Variants in RNF138 observed in about 807,000 individuals in gnomAD.
RNF138 encodes E3 ubiquitin-protein ligase RNF138.
Under a neutral mutation model 31.0 loss-of-function variants are expected in RNF138, and 12 were observed. The observed-to-expected ratio is 0.39, with a 90% CI of 0.25 to 0.63. RNF138 has a LOEUF of 0.63. Among genes scored for constraint, RNF138 ranks in the 20% least tolerant of loss-of-function variants. The probability of loss-of-function intolerance (pLI) is 0.52; values close to 1 mark genes in which losing one functional copy is unlikely to be tolerated. For synonymous variants in RNF138, 105 were observed against 99.5 expected (o/e 1.06, Z -0.33); for missense variants, 192 against 300.1 (o/e 0.64, Z 2.66).
intron 4 of RNF138, among the ~76,000 whole-genome samples, chr18:32,117,680 A>G (rs2040239299): frequency 6.6e-6 from 1 of 152,244 alleles, no homozygotes; most frequent in African/African-American, 2.4e-5. Context: ...GCCATCTAAA[A>G]TAATCTGTGT....
chr18:32,112,951 T>G (rs2040157466), intron 3 of RNF138, among the ~76,000 whole-genome samples: 1 of 152,194 alleles, frequency 6.6e-6, no homozygotes, highest in African/African-American at 2.4e-5. Context: ...TCAGATCTGC[T>G]TTTACATCTT....
chr18:32,097,644 A>G (rs868603697), intron 2 of RNF138, among the ~76,000 whole-genome samples: 1 of 152,014 alleles, frequency 6.6e-6, no homozygotes, highest in Non-Finnish European at 1.5e-5. Flanking sequence ...AAGTAGCTGG[A>G]CTACAGGCAT....
intron 2 of RNF138, 95 bp downstream of exon 2, chr18:32,092,981 G>GTT: frequency 1.7e-6 from 1 of 591,712 alleles, no homozygotes; most frequent in Non-Finnish European, 2.7e-6. Context: ...CGGGAACCGA[G>GTT]CCCGCCGCGG....
Position 32,111,783 on chromosome 18 carries a change from T to C in RNF138, c.140T>C (p.Met47Thr). The C allele has an allele frequency of 6.2e-7, 1 of 1,612,482 alleles. No homozygotes were observed. Among genetic ancestry groups the C allele is most frequent in the Non-Finnish European group, 8.5e-7 (1 of 1,179,710 alleles). Reference protein sequence around the residue: ...VFCRKCFLTAMRESGAHCPLC... With the variant: ...VFCRKCFLTATRESGAHCPLC... ...TGTAGAAAATGTTTCCTGACTGCAA[T>C]GAGGGAAAGCGGAGCACATTGTCCC... is the stretch of plus-strand genomic sequence containing the variant. The change falls in exon 3 of 8, where the codon ATG becomes ACG. Residue 47 changes from methionine to threonine, a missense_variant. Met to Thr is a moderately conservative substitution (Grantham distance 81). Transcript: ENST00000261593.
chr18:32,116,065 A>G (rs1312057952), intron 4 of RNF138, among the ~76,000 whole-genome samples: 2 of 152,204 alleles, frequency 1.3e-5, no homozygotes, highest in African/African-American at 4.8e-5. Flanking sequence ...AGAGGCGATG[A>G]TGATGATAGG....
At chr18:32,117,864 T>C (rs1487507445) in intron 4 of RNF138, among the ~76,000 whole-genome samples, 1 of 152,216 alleles carries the variant, frequency 6.6e-6, no homozygotes, top group East Asian at 1.9e-4. Flanking sequence ...GCTGCTAACA[T>C]AAGATTATAT....
At chr18:32,121,095 G>A (rs539860894) in intron 4 of RNF138, among the ~76,000 whole-genome samples, 328 of 148,428 alleles carry the variant, frequency 2.2e-3, no homozygotes, top group African/African-American at 7.7e-3. Context: ...CGATCGCGCC[G>A]CTGCACTCCA....
At chr18:32,108,401 C>T (rs2040072207) in intron 2 of RNF138, among the ~76,000 whole-genome samples, 1 of 152,064 alleles carries the variant, frequency 6.6e-6, no homozygotes, top group Non-Finnish European at 1.5e-5. Flanking sequence ...TTTGTACATT[C>T]TAAAAAATAG....
rs151315163 is a variant in RNF138 at position 32,092,872 on chromosome 18, G to C, written c.96G>C (p.Thr32=). The change falls in exon 2 of 8, where the codon ACG becomes ACC. Residue 32 remains threonine, a synonymous_variant. Coordinates refer to ENST00000261593, the MANE Select transcript of RNF138 (RefSeq NM_016271.5). ...QEVLKTPVRT[T]ACQHVFCRKC... Reference sequence around the variant, plus strand: ...TGCTCAAAACGCCCGTGCGGACCACGGCCTGTCAGCACGTGTGAGTAGACG... The same window carrying C: ...TGCTCAAAACGCCCGTGCGGACCACCGCCTGTCAGCACGTGTGAGTAGACG... The C allele has an allele frequency of 1.5e-3, 2,372 of 1,577,148 alleles. 6 individuals carry two copies. Among genetic ancestry groups the C allele is most frequent in the East Asian group, 6.7e-3 (285 of 42,770 alleles).
Position 32,107,719 on chromosome 18 carries a change from A to G in RNF138, c.111-4035A>G, listed in dbSNP as rs541247430. On this transcript the variant is annotated intron_variant, in intron 2 of 7. Transcript: ENST00000261593. ...GTATTAGTCAAGACGGGGTTTCACC[A>G]TGTTGGCCAGGCTAGTCTCGAACTC... Among the ~76,000 whole-genome samples the G allele has an allele frequency of 1.3e-3, 195 of 146,262 alleles. 1 individual carries two copies. Among genetic ancestry groups the G allele is most frequent in the African/African-American group, 4.6e-3 (182 of 39,686 alleles).
chr18:32,122,329 A>G (rs534754660), intron 4 of RNF138: 1 of 152,300 alleles, frequency 6.6e-6, no homozygotes, highest in African/African-American at 2.4e-5. Context: ...TAAACAGAAA[A>G]GAAAGATCAG....
At chr18:32,113,655 T>C in intron 3 of RNF138, 90 bp from the exon 4 acceptor site, 1 of 568,056 alleles carries the variant, frequency 1.8e-6, no homozygotes, top group Non-Finnish European at 3.0e-6. Context: ...AATGGAGTAT[T>C]TAGTTACTTT....
intron 2 of RNF138, among the ~76,000 whole-genome samples, chr18:32,101,014 G>T (rs796952085): frequency 3.3e-5 from 5 of 152,294 alleles, no homozygotes; most frequent in African/African-American, 9.6e-5. Context: ...GAGTATCGAT[G>T]ACCCTTTCTT....
At chr18:32,117,531 T>C (rs758393408) in intron 4 of RNF138, among the ~76,000 whole-genome samples, 1 of 152,184 alleles carries the variant, frequency 6.6e-6, no homozygotes, top group African/African-American at 2.4e-5. Context: ...AATAAATCCA[T>C]AGATCATTTC....
chr18:32,110,082 G>C (rs1246935784), intron 2 of RNF138, among the ~76,000 whole-genome samples: 2 of 152,152 alleles, frequency 1.3e-5, no homozygotes, highest in Admixed American at 1.3e-4. Context: ...AACCTCCTGG[G>C]CTCAAGTGAT....
intron 4 of RNF138, among the ~76,000 whole-genome samples, chr18:32,117,671 C>T (rs2040239184): frequency 6.6e-6 from 1 of 152,128 alleles, no homozygotes; most frequent in South Asian, 2.1e-4. Flanking sequence ...TCCAGTTGAG[C>T]CATCTAAAAT....
chr18:32,106,218 AAGGTTGCACG>A (rs1369000391), intron 2 of RNF138, among the ~76,000 whole-genome samples: 2 of 152,244 alleles, frequency 1.3e-5, no homozygotes, highest in Non-Finnish European at 2.9e-5. Context: ...GTCTGGCGAC[AAGGTTGCACG>A]AGTGGTCTAT....
intron 2 of RNF138, among the ~76,000 whole-genome samples, chr18:32,107,395 A>G (rs2040052051): frequency 6.6e-6 from 1 of 151,982 alleles, no homozygotes; most frequent in South Asian, 2.1e-4. Flanking sequence ...TGCTGGGATT[A>G]CAGGTGTGAG....
chr18:32,094,043 G>A (rs146731021), intron 2 of RNF138, among the ~76,000 whole-genome samples: 17 of 152,066 alleles, frequency 1.1e-4, no homozygotes, highest in African/African-American at 2.4e-4. Context: ...CTCCCGCCTC[G>A]GCCTCCCAAA....
Sources: allele counts gnomAD v4.1 joint callset (sites outside exome capture counted in the v4.1 genomes callset), GRCh38; gene constraint gnomAD v4.1.1; transcripts MANE v1.5; gene names NCBI Gene and HGNC (gene_info 2026-07-23, HGNC 2026-07-21).